ACO1: variants seen among roughly 807,000 people sequenced by gnomAD.
The protein encoded by ACO1 is cytoplasmic aconitate hydratase.
Under a neutral mutation model 105.1 loss-of-function variants are expected in ACO1, and 78 were observed. That is an observed-to-expected ratio of 0.74 (90% CI 0.62 to 0.90). The LOEUF (loss-of-function observed/expected upper bound fraction) is 0.90. Ranked by LOEUF, ACO1 falls within the 40% of genes least tolerant of loss-of-function variation. The pLI, the probability that ACO1 is intolerant of heterozygous loss-of-function variation, is 0.00. For synonymous variants in ACO1, 364 were observed against 397.4 expected, an observed-to-expected ratio of 0.92 and a Z score of 1.00; for missense variants, 965 against 1,111.1, an observed-to-expected ratio of 0.87 and a Z score of 1.87.
chr9:32,450,484 TTGTTCCTCTTAC>T lies in ACO1; in HGVS notation c.*374_*385del, dbSNP rs1439528258. The T allele has an allele frequency of 2.9e-6, 1 of 341,842 alleles. No homozygotes were observed. The highest frequency in any genetic ancestry group is 5.7e-6 in the Non-Finnish European group (1 of 175,706). 21.2% of individuals were successfully genotyped at this position (341,842 alleles called of 1,614,324 possible). On this transcript the variant is annotated 3_prime_UTR_variant, in exon 21 of 21. Transcript: ENST00000309951. ...TCAGGAGGTGTCTCCTACCCTCTTA[TTGTTCCTCTTAC>T]GCTCTGCTCAATGAAACCTTCCTCT...
At chr9:32,429,334 T>C (rs1302705574) in intron 12 of ACO1, 85 bp from the exon 13 acceptor site, 3 of 1,245,188 alleles carry the variant, frequency 2.4e-6, no homozygotes, top group Non-Finnish European at 3.5e-6. Context: ...TTTTGAACAG[T>C]GGTCTCTGGA....
rs1821115900 is a variant in ACO1 at position 32,384,672 on chromosome 9, G to C, written c.-86G>C. The C allele has an allele frequency of 2.5e-6, 1 of 405,444 alleles. No homozygotes were observed. The highest frequency in any genetic ancestry group is 4.9e-6 in the Non-Finnish European group (1 of 204,164). 25.1% of individuals were successfully genotyped at this position (405,444 alleles called of 1,614,324 possible). On this transcript the variant is annotated 5_prime_UTR_variant, in exon 1 of 21. Coordinates refer to ENST00000309951, the MANE Select transcript of ACO1 (RefSeq NM_002197.3). ...CGGCAGCTGGAACCGCGCAGCGCAC[G>C]GGAACGCGTCCCGCTGCTTGGGTCA...
chr9:32,408,182 T>C (rs980248741), intron 3 of ACO1, among the ~76,000 whole-genome samples: 4 of 152,212 alleles, frequency 2.6e-5, no homozygotes, highest in African/African-American at 9.6e-5. Flanking sequence ...CAAGCCACCA[T>C]GTGAATGGGA....
At chr9:32,436,156 T>A (rs1255132117) in intron 17 of ACO1, 94 bp from the exon 18 acceptor site, 1 of 1,504,034 alleles carries the variant, frequency 6.6e-7, no homozygotes, top group Non-Finnish European at 9.2e-7. Context: ...GGTCTATGTT[T>A]TGTTTTGTTT....
intron 1 of ACO1, among the ~76,000 whole-genome samples, chr9:32,401,651 C>T (rs1378447991): frequency 6.6e-6 from 1 of 152,214 alleles, no homozygotes; most frequent in Admixed American, 6.5e-5. Context: ...TGCAAGTGTC[C>T]TCAATTGAGC....
chr9:32,439,701 T>G lies in ACO1; in HGVS notation c.2248-764T>G, dbSNP rs952758021. Among the ~76,000 whole-genome samples the G allele has an allele frequency of 2.0e-5, 3 of 152,246 alleles. No homozygotes were observed. The highest frequency in any genetic ancestry group is 2.9e-5 in the Non-Finnish European group (2 of 68,038). On this transcript the variant is annotated intron_variant, in intron 18 of 20. Coordinates refer to ENST00000309951, the MANE Select transcript of ACO1 (RefSeq NM_002197.3). The surrounding 1 kb of genome is among the most constrained non-coding windows in gnomAD (Gnocchi z 4.0). Reference sequence around the variant, plus strand: ...CTTGACCTCCATGAAGAAAGGGGACTGATAAAAGTTTGCACTTTATATAAT... The same window carrying G: ...CTTGACCTCCATGAAGAAAGGGGACGGATAAAAGTTTGCACTTTATATAAT...
At position 32,448,936 on chromosome 9, in the gene ACO1, A is replaced by G; in HGVS notation, c.2411A>G (p.His804Arg). 2 of 1,614,240 alleles carry G rather than the reference A, an allele frequency of 1.2e-6. No homozygotes were observed. The highest frequency in any genetic ancestry group is 1.7e-6 in the Non-Finnish European group (2 of 1,180,042). The stretch of plus-strand genomic sequence containing the variant: ...CTGGCCGAGAGCTACGAGCGCATTC[A>G]CCGCAGTAACCTGGTTGGGATGGGT... ...AVLAESYERI[H>R]RSNLVGMGVI... is the part of the protein sequence containing the mutation. Residue 804 changes from histidine to arginine, a missense_variant, in exon 20 of 21, where the codon CAC becomes CGC. By Grantham distance (29) the His-to-Arg change is conservative (BLOSUM62 0). Transcript: ENST00000309951.
intron 3 of ACO1, among the ~76,000 whole-genome samples, chr9:32,407,674 A>G (rs749831247): frequency 6.6e-5 from 10 of 152,228 alleles, no homozygotes; most frequent in Non-Finnish European, 7.3e-5. Flanking sequence ...AGGAAGGGTC[A>G]TTATCCTTGC....
chr9:32,446,420 T>C (rs1822610112), intron 19 of ACO1, among the ~76,000 whole-genome samples: 1 of 152,224 alleles, frequency 6.6e-6, no homozygotes, highest in African/African-American at 2.4e-5. Flanking sequence ...CCTGCTTTTT[T>C]TTTGCTTTCC....
intron 1 of ACO1, among the ~76,000 whole-genome samples, chr9:32,389,603 G>A (rs539183253): frequency 4.0e-5 from 6 of 151,408 alleles, no homozygotes; most frequent in South Asian, 4.2e-4. Flanking sequence ...CCTTGGCCTC[G>A]CCCTCTCACT....
chr9:32,447,005 C>G (rs1822624916), intron 19 of ACO1, among the ~76,000 whole-genome samples: 1 of 152,108 alleles, frequency 6.6e-6, no homozygotes, highest in South Asian at 2.1e-4. Context: ...CTCTGGCTGC[C>G]CTTAACATTT....
chr9:32,446,916 C>T (rs1822622061), intron 19 of ACO1, among the ~76,000 whole-genome samples: 1 of 152,166 alleles, frequency 6.6e-6, no homozygotes, highest in South Asian at 2.1e-4. Flanking sequence ...CCCCCATTCT[C>T]CTCTGGCTTG....
chr9:32,410,355 A>C (rs528562268), intron 4 of ACO1, among the ~76,000 whole-genome samples: 13 of 152,180 alleles, frequency 8.5e-5, no homozygotes, highest in African/African-American at 3.1e-4. Flanking sequence ...TCAGGAGATC[A>C]AGACCATCCT....
chr9:32,449,657 C>T (rs1822711168), intron 20 of ACO1, among the ~76,000 whole-genome samples: 1 of 152,184 alleles, frequency 6.6e-6, no homozygotes, highest in Admixed American at 6.5e-5. Context: ...CTTCTGTCCA[C>T]AGGGAGCCCC....
chr9:32,387,969 C>CG (rs1186267684), intron 1 of ACO1, among the ~76,000 whole-genome samples: 1 of 152,122 alleles, frequency 6.6e-6, no homozygotes, highest in Non-Finnish European at 1.5e-5. Flanking sequence ...ATGGACGTAG[C>CG]GGGCAGTAGT....
At chr9:32,430,717 T>A in intron 14 of ACO1, 143 bp downstream of exon 14, 1 of 940,524 alleles carries the variant, frequency 1.1e-6, no homozygotes, top group East Asian at 2.9e-5. Flanking sequence ...TATTCCCCAA[T>A]ATACAGCTAA....
intron 1 of ACO1, among the ~76,000 whole-genome samples, chr9:32,399,512 T>G (rs183091663): frequency 6.6e-6 from 1 of 152,378 alleles, no homozygotes; most frequent in African/African-American, 2.4e-5. Flanking sequence ...CCTGGTGATA[T>G]GCAAATCCTT....
rs200462190 is a variant in ACO1 at position 32,424,597 on chromosome 9, A to G, written c.1120A>G (p.Lys374Glu). 110 of 1,613,930 alleles carry G rather than the reference A, an allele frequency of 6.8e-5. No homozygotes were observed. The highest frequency in any genetic ancestry group is 8.0e-5 in the Non-Finnish European group (94 of 1,179,930). Residue 374 changes from lysine (K) to glutamate (E), a missense_variant, in exon 10 of 21, where the codon AAA (lysine) becomes GAA (glutamate). Lys to Glu is a moderately conservative substitution (Grantham distance 56, BLOSUM62 1). Coordinates refer to ENST00000309951, the MANE Select transcript of ACO1 (RefSeq NM_002197.3). ...KTVVPCCSGP[K>E]RPQDKVAVSD... ...AGTAGTGCCTTGCTGTAGTGGACCC[A>G]AAAGGCCTCAGGACAAAGTTGCTGT...
Position 32,452,416 on chromosome 9 carries a change from G to C in ACO1, c.*2305G>C, listed in dbSNP as rs1037247860. The C allele has an allele frequency of 6.6e-6, 1 of 152,240 alleles. No individual in the cohort carries two copies. The allele number at this position is 152,240 out of a possible 1,614,324, so 9.4% of individuals were successfully genotyped here. A position where few individuals can be genotyped will look rare whatever the true frequency, so the allele number is the denominator to read the frequency against. On this transcript the variant is annotated 3_prime_UTR_variant, in exon 21 of 21. Coordinates refer to ENST00000309951, the MANE Select transcript of ACO1 (RefSeq NM_002197.3). Reference sequence around the variant, plus strand: ...AGACCCCCTCATTTCTTCTGCCATGGGAGAACACAGCAAGAAGTCACCATC... The same window carrying C: ...AGACCCCCTCATTTCTTCTGCCATGCGAGAACACAGCAAGAAGTCACCATC...
Sources: allele counts gnomAD v4.1 joint callset (sites outside exome capture counted in the v4.1 genomes callset), GRCh38; gene constraint gnomAD v4.1.1; non-coding constraint Gnocchi (gnomAD v3.1); transcripts MANE v1.5; gene names NCBI Gene and HGNC (gene_info 2026-07-23, HGNC 2026-07-21).